The following LYZL4 variants were observed in gnomAD, a reference collection of about 807,000 sequenced individuals.
LYZL4 encodes lysozyme-like protein 4.
A neutral mutation model predicts 17.6 loss-of-function variants in LYZL4; 13 were observed. That is an observed-to-expected ratio of 0.74 (90% CI 0.48 to 1.18). The LOEUF (loss-of-function observed/expected upper bound fraction) is 1.18, where lower values mean the gene tolerates loss of function less well. LYZL4 is among the 50% of genes most tolerant of loss of function. LYZL4 has a pLI of 0.00. For synonymous variants in LYZL4, 64 were observed against 67.7 expected, an observed-to-expected ratio of 0.95 and a Z score of 0.27; for missense variants, 174 against 188.2, an observed-to-expected ratio of 0.92 and a Z score of 0.44.
chr3:42,381,567 G>A, the LYZL4 span, among the ~76,000 whole-genome samples: 18 of 152,202 alleles, frequency 1.2e-4, no homozygotes, highest in African/African-American at 3.6e-4. Flanking sequence ...CAGCACATCC[G>A]GAAGGAGCAA....
chr3:42,390,061 A>G, the LYZL4 span, among the ~76,000 whole-genome samples: 1 of 152,216 alleles, frequency 6.6e-6, no homozygotes, highest in Non-Finnish European at 1.5e-5. Context: ...TTTGCCTGGA[A>G]AGAAAGATGT....
At chr3:42,373,326 A>G in the LYZL4 span, among the ~76,000 whole-genome samples, 1 of 152,174 alleles carries the variant, frequency 6.6e-6, no homozygotes, top group Non-Finnish European at 1.5e-5. Flanking sequence ...GACATTTGTC[A>G]TCAGCTGCCT....
chr3:42,377,214 G>T, the LYZL4 span, among the ~76,000 whole-genome samples: 1 of 152,164 alleles, frequency 6.6e-6, no homozygotes, highest in Non-Finnish European at 1.5e-5. Flanking sequence ...TAGGGTGTGT[G>T]TTGAGCATAA....
Position 42,406,935 on chromosome 3 carries a change from T to A in LYZL4, c.203A>T (p.Glu68Val). Residue 68 changes from glutamate to valine, a missense_variant, in exon 3 of 5, where the codon GAG becomes GTG. By Grantham distance (121) the Glu-to-Val change is moderately radical. Coordinates refer to ENST00000287748, the MANE Select transcript of LYZL4 (RefSeq NM_144634.4). ...AAAGAGGCCAAAGCCAGTGTAGCCC[T>A]CACGTGTGTTCTCGTAGATGGCCAT... ...NPMAIYENTR[E>V]GYTGFGLFQM... The A allele has an allele frequency of 1.2e-6, 2 of 1,614,186 alleles. No individual in the cohort carries two copies. Among genetic ancestry groups the A allele is most frequent in the Non-Finnish European group, 1.7e-6 (2 of 1,180,032 alleles).
the LYZL4 span, among the ~76,000 whole-genome samples, chr3:42,372,607 T>TC: frequency 6.6e-5 from 10 of 152,090 alleles, no homozygotes; most frequent in East Asian, 1.5e-3. Flanking sequence ...CTCAGCATTG[T>TC]CCCCCCCAGC....
chr3:42,401,460 C>T (rs1341715988), intron 4 of LYZL4, among the ~76,000 whole-genome samples: 1 of 152,072 alleles, frequency 6.6e-6, no homozygotes, highest in Admixed American at 6.6e-5. Flanking sequence ...AGGTGATGCA[C>T]CCACCTCAGC....
At chr3:42,368,187 C>A in the LYZL4 span, among the ~76,000 whole-genome samples, 3,172 of 152,252 alleles carry the variant, frequency 0.021, 107 homozygotes, top group African/African-American at 0.073. Context: ...TGCTGCGGAG[C>A]CCCAGGGCTC....
chr3:42,407,703 TAA>T (rs374114728), intron 1 of LYZL4, among the ~76,000 whole-genome samples: 5 of 140,060 alleles, frequency 3.6e-5, no homozygotes, highest in African/African-American at 2.6e-5. Context: ...AAAGAGAAAT[TAA>T]AAAAAAAAAA....
chr3:42,398,004 C>T (rs1484530352), intron 4 of LYZL4, among the ~76,000 whole-genome samples: 9 of 152,142 alleles, frequency 5.9e-5, no homozygotes, highest in African/African-American at 2.2e-4. Flanking sequence ...AATCCTGTTT[C>T]GTCATCCCAC....
chr3:42,406,564 A>C (rs1333759594), intron 3 of LYZL4, among the ~76,000 whole-genome samples: 1 of 151,446 alleles, frequency 6.6e-6, no homozygotes, highest in Non-Finnish European at 1.5e-5. Context: ...TCAGGCTCTG[A>C]TGCCTGCAGC....
At position 42,407,184 on chromosome 3, in the gene LYZL4, C is replaced by T; in HGVS notation, c.68G>A (p.Gly23Glu). ...GAGTTTCTTAGCCACTGTGCAACGC[C>T]CCAAGATGTAAGCACCACTTGGAAC... ...LVVPSGAYIL[G>E]RCTVAKKLHD... Residue 23 changes from glycine to glutamate, a missense_variant, in exon 2 of 5, where the codon GGG (glycine) becomes GAG (glutamate). Coordinates refer to ENST00000287748, the MANE Select transcript of LYZL4 (RefSeq NM_144634.4). 6.2e-7 allele frequency: 1 copy of T among 1,614,124 alleles called. No homozygotes were observed. The highest frequency in any genetic ancestry group is 1.3e-5 in the African/African-American group (1 of 74,998).
At chr3:42,374,568 G>A in the LYZL4 span, among the ~76,000 whole-genome samples, 1 of 152,142 alleles carries the variant, frequency 6.6e-6, no homozygotes, top group Non-Finnish European at 1.5e-5. Context: ...TTACACTTAC[G>A]ACTTGGGAGA....
intron 1 of LYZL4, among the ~76,000 whole-genome samples, chr3:42,409,445 A>G (rs1484292118): frequency 6.6e-6 from 1 of 152,162 alleles, no homozygotes; most frequent in Non-Finnish European, 1.5e-5. Context: ...TCATTTCCCA[A>G]CAGAGCAAAC....
chr3:42,376,990 T>TGATCTATA, the LYZL4 span, among the ~76,000 whole-genome samples: 1 of 152,234 alleles, frequency 6.6e-6, no homozygotes, highest in East Asian at 1.9e-4. Flanking sequence ...AAATTGTCCT[T>TGATCTATA]GATCTATAGA....
Position 42,407,001 on chromosome 3 carries a change from A to C in LYZL4, c.140-3T>G. On this transcript the variant is annotated splice_polypyrimidine_tract_variant and splice_region_variant and intron_variant, in intron 2 of 4. Transcript: ENST00000287748. ...CTCGAAGTAGGCCAGGCACACCCCT[A>C]AGATGGAACAGAAGGTGTGTGACTC... is the stretch of plus-strand genomic sequence containing the variant. 6.2e-7 allele frequency: 1 copy of C among 1,614,184 alleles called. No homozygotes were observed. Among genetic ancestry groups the C allele is most frequent in the African/African-American group, 1.3e-5 (1 of 75,048 alleles).
intron 3 of LYZL4, among the ~76,000 whole-genome samples, chr3:42,404,452 T>C (rs888984383): frequency 6.6e-4 from 100 of 152,352 alleles, no homozygotes; most frequent in South Asian, 2.1e-4. Flanking sequence ...GTTCCCCTTT[T>C]AGCCTCTAGG....
the LYZL4 span, among the ~76,000 whole-genome samples, chr3:42,363,859 G>A: frequency 2.6e-5 from 4 of 152,168 alleles, no homozygotes; most frequent in African/African-American, 7.2e-5. Context: ...AACATTACAC[G>A]GATCATCTCT....
intron 3 of LYZL4, among the ~76,000 whole-genome samples, chr3:42,406,281 G>C (rs544108914): frequency 6.6e-6 from 1 of 151,920 alleles, no homozygotes; most frequent in Non-Finnish European, 1.5e-5. Flanking sequence ...GTGAAACTCC[G>C]TCTCTACTAA....
chr3:42,405,330 G>A (rs2125602507), intron 3 of LYZL4, among the ~76,000 whole-genome samples: 1 of 152,348 alleles, frequency 6.6e-6, no homozygotes, highest in South Asian at 2.1e-4. Flanking sequence ...TTACAGGCGT[G>A]AGCCGCCGCG....
Sources: allele counts gnomAD v4.1 joint callset (sites outside exome capture counted in the v4.1 genomes callset), GRCh38; gene constraint gnomAD v4.1.1; transcripts MANE v1.5; gene names NCBI Gene and HGNC (gene_info 2026-07-23, HGNC 2026-07-21).